CACNA1E: variants seen among roughly 807,000 people sequenced by gnomAD.
CACNA1E encodes calcium voltage-gated channel subunit alpha1 E.
CACNA1E carries 40 observed loss-of-function variants against 259.2 expected under a neutral mutation model. The observed-to-expected ratio is 0.15, with a 90% confidence interval of 0.12 to 0.20. CACNA1E has a LOEUF of 0.20. CACNA1E is among the 10% of genes least tolerant of loss of function. The probability of loss-of-function intolerance (pLI) is 1.00; values close to 1 mark genes in which losing one functional copy is unlikely to be tolerated. For synonymous variants in CACNA1E, 1,104 were observed against 1,138.5 expected (o/e 0.97, Z 0.61); for missense variants, 1,874 against 3,040.1 (o/e 0.62, Z 9.02).
At chr1:181,492,609 A>G (rs997739043) in intron 1 of CACNA1E, among the ~76,000 whole-genome samples, 5 of 152,228 alleles carry the variant, frequency 3.3e-5, no homozygotes, top group African/African-American at 1.2e-4. Flanking sequence ...TTTACTGGGC[A>G]AGTTCCCCAG....
chr1:181,371,605 C>T (rs923362180), intron 1 of CACNA1E, among the ~76,000 whole-genome samples: 2 of 152,168 alleles, frequency 1.3e-5, no homozygotes, highest in African/African-American at 4.8e-5. Flanking sequence ...TCCTACTTAT[C>T]TATTTTTGTT....
At chr1:181,494,010 C>T (rs960604909) in intron 1 of CACNA1E, among the ~76,000 whole-genome samples, 2 of 152,208 alleles carry the variant, frequency 1.3e-5, no homozygotes, top group African/African-American at 2.4e-5. Flanking sequence ...TCCAGGCCTC[C>T]GTGCCTTTGC....
At chr1:181,349,767 G>A (rs1261932204) in intron 1 of CACNA1E, among the ~76,000 whole-genome samples, 2 of 151,974 alleles carry the variant, frequency 1.3e-5, no homozygotes, top group Non-Finnish European at 2.9e-5. Context: ...GTGTAGGGAG[G>A]AATCAGGGCT....
Position 181,796,793 on chromosome 1 carries a change from G to A in CACNA1E, c.6334G>A (p.Glu2112Lys). 2 of 1,611,572 alleles carry A rather than the reference G, an allele frequency of 1.2e-6. No individual in the cohort carries two copies. The highest frequency in any genetic ancestry group is 1.3e-5 in the African/African-American group (1 of 75,002). The change falls in exon 47 of 48, where the codon GAG (glutamate) becomes AAG (lysine). Residue 2112 changes from glutamate to lysine, a missense_variant. By Grantham distance (56) the Glu-to-Lys change is moderately conservative. Transcript: ENST00000367573. ...SEERGTQADW[E>K]SPERRQSRSP... Reference sequence around the variant, plus strand: ...AGAGCGAGGGACCCAGGCTGACTGGGAGTCCCCAGAGCGCCGTCAATCCAG... The same window carrying A: ...AGAGCGAGGGACCCAGGCTGACTGGAAGTCCCCAGAGCGCCGTCAATCCAG...
chr1:181,726,537 G>T (rs1300103504), intron 18 of CACNA1E, among the ~76,000 whole-genome samples: 2 of 152,190 alleles, frequency 1.3e-5, no homozygotes, highest in Non-Finnish European at 2.9e-5. Flanking sequence ...AAGGAAGAGT[G>T]TTCCCCAGCA....
rs1261331757 is a variant in CACNA1E, at chr1:181,758,854, G to T, written c.4591G>T (p.Ala1531Ser). The T allele has an allele frequency of 2.5e-6, 4 of 1,601,910 alleles. No individual in the cohort carries two copies. In the African/African-American group the frequency reaches 5.4e-5, roughly 21 times the overall value. Residue 1531 changes from alanine (A) to serine (S), a missense_variant, in exon 32 of 48, where the codon GCT (alanine) becomes TCT (serine). Ala to Ser is a moderately conservative substitution (Grantham distance 99, BLOSUM62 1). Coordinates refer to ENST00000367573, the MANE Select transcript of CACNA1E (RefSeq NM_001205293.3). This position sits in a 1 kb window ranked among gnomAD's most constrained non-coding sequence, Gnocchi z 4.2. Reference protein sequence around the residue: ...FSLECVLKVIAFGFLNYFRDT... With the variant: ...FSLECVLKVISFGFLNYFRDT... ...CCTGGAATGTGTCCTGAAGGTCATC[G>T]CTTTTGGCTTTTTGGTATGTTGCTG...
intron 1 of CACNA1E, among the ~76,000 whole-genome samples, chr1:181,320,039 G>T (rs993634435): frequency 1.3e-5 from 2 of 152,174 alleles, no homozygotes; most frequent in Non-Finnish European, 2.9e-5. Flanking sequence ...CTGTCTTCTT[G>T]GTTGTATTTA....
intron 34 of CACNA1E, among the ~76,000 whole-genome samples, chr1:181,764,681 TCTAAAGTTAGATA>T (rs1658877314): frequency 6.6e-6 from 1 of 152,242 alleles, no homozygotes; most frequent in South Asian, 2.1e-4. Context: ...AAACTATTTT[TCTAAAGTTAGATA>T]TGGAGGATAA....
intron 3 of CACNA1E, among the ~76,000 whole-genome samples, chr1:181,549,856 TG>T (rs1038746137): frequency 6.6e-6 from 1 of 150,978 alleles, no homozygotes; most frequent in Non-Finnish European, 1.5e-5. Flanking sequence ...TGGCGGAGAG[TG>T]GGGGTGAACA....
chr1:181,472,737 G>A (rs79279717), intron 2 of CACNA1E, among the ~76,000 whole-genome samples: 14,294 of 152,254 alleles, frequency 0.094, 833 homozygotes, highest in South Asian at 0.19. Flanking sequence ...GTGTGCGCGC[G>A]CACTTGAGGT....
At chr1:181,660,217 C>T (rs1647510393) in intron 7 of CACNA1E, among the ~76,000 whole-genome samples, 1 of 152,190 alleles carries the variant, frequency 6.6e-6, no homozygotes, top group African/African-American at 2.4e-5. Context: ...CCACGACAAG[C>T]CAAACTACAG....
intron 1 of CACNA1E, among the ~76,000 whole-genome samples, chr1:181,368,872 C>T (rs1053540884): frequency 3.9e-5 from 6 of 152,200 alleles, no homozygotes; most frequent in African/African-American, 1.4e-4. Flanking sequence ...TCAGATTACT[C>T]AGTTCCACTT....
rs1205508249 is a variant in CACNA1E at position 181,335,175 on chromosome 1, A to G, written c.-15+17052A>G. 2.6e-5 allele frequency among the ~76,000 whole-genome samples: 4 copies of G among 152,184 alleles called. 1 individual carries two copies. Among genetic ancestry groups the G allele is most frequent in the Non-Finnish European group, 5.9e-5 (4 of 68,030 alleles). Reference sequence around the variant, plus strand: ...GCTATTCCTACCAACCCTGCCCTCCAGAAAGGAAGTCAGGATCTCTAGCAA... The same window carrying G: ...GCTATTCCTACCAACCCTGCCCTCCGGAAAGGAAGTCAGGATCTCTAGCAA... On this transcript the variant is annotated intron_variant, in intron 1 of 11. Transcript: ENST00000524607.
At chr1:181,769,026 A>C (rs1298283168) in intron 35 of CACNA1E, among the ~76,000 whole-genome samples, 1 of 152,224 alleles carries the variant, frequency 6.6e-6, no homozygotes, top group Non-Finnish European at 1.5e-5. Flanking sequence ...AGGAGGAGTA[A>C]CTTGCTGGGG....
intron 2 of CACNA1E, among the ~76,000 whole-genome samples, chr1:181,425,530 C>T (rs1326107378): frequency 8.7e-6 from 1 of 114,512 alleles, no homozygotes; most frequent in East Asian, 2.7e-4. Context: ...TACACCCCCG[C>T]TCCCCCCCCC....
intron 3 of CACNA1E, among the ~76,000 whole-genome samples, chr1:181,535,407 T>TG (rs5779105): frequency 1.3e-5 from 2 of 152,226 alleles, no homozygotes; most frequent in Non-Finnish European, 2.9e-5. Context: ...ATTCTGACTT[T>TG]TAAAAATTCA....
At chr1:181,569,229 G>T (rs1650156464) in intron 3 of CACNA1E, among the ~76,000 whole-genome samples, 1 of 152,138 alleles carries the variant, frequency 6.6e-6, no homozygotes, top group South Asian at 2.1e-4. Flanking sequence ...GTAATGCCAG[G>T]GCCTGCTGCA....
Position 181,717,557 on chromosome 1 carries a change from C to T in CACNA1E, c.1525+255C>T, listed in dbSNP as rs2280864. On this transcript the variant is annotated intron_variant, in intron 11 of 47. Transcript: ENST00000367573. ...GTTATACCTTTGGGTACCATAAAGC[C>T]TTCACTTCCTTTCTTAAGGAGGCTC... Among the ~76,000 whole-genome samples the T allele has an allele frequency of 0.47, 71,254 of 151,882 alleles. 18,955 individuals are homozygous for T. Among genetic ancestry groups the T allele is most frequent in the East Asian group, 0.75 (3,837 of 5,134 alleles).
chr1:181,518,410 A>G lies in CACNA1E; in HGVS notation c.512+6900A>G, dbSNP rs1666747183. Reference sequence around the variant, plus strand: ...ACTGGGGAGCACAGCTGCCACTTGCAGCATCTCCTTTTATCAGAACATTAT... The same window carrying G: ...ACTGGGGAGCACAGCTGCCACTTGCGGCATCTCCTTTTATCAGAACATTAT... On this transcript the variant is annotated intron_variant, in intron 3 of 47. Transcript: ENST00000367573. Among the ~76,000 whole-genome samples, 4 of 152,320 alleles carry G rather than the reference A, an allele frequency of 2.6e-5. No homozygotes were observed. In the South Asian group the frequency reaches 6.2e-4, roughly 24 times the overall value.
Sources: gnomAD v4.1 joint callset for allele counts (sites outside exome capture counted in the v4.1 genomes callset) on GRCh38, gnomAD v4.1.1 for gene constraint, Gnocchi (gnomAD v3.1) non-coding constraint, MANE v1.5 for transcripts, NCBI Gene and HGNC (gene_info 2026-07-23, HGNC 2026-07-21) for gene names.